Variants in CSMD3 observed in about 807,000 individuals in gnomAD.
CSMD3 encodes CUB and sushi domain-containing protein 3.
CSMD3 carries 177 observed loss-of-function variants against 435.2 expected under a neutral mutation model. That is an observed-to-expected ratio of 0.41 (90% CI 0.36 to 0.46). The LOEUF (loss-of-function observed/expected upper bound fraction) is 0.46. CSMD3 is among the 20% of genes least tolerant of loss of function. CSMD3 has a pLI of 0.34. For missense variants in CSMD3, 4,265 were observed against 4,504.6 expected (o/e 0.95, Z 1.52); for synonymous variants, 1,656 against 1,520.5 (o/e 1.09, Z -2.07).
intron 32 of CSMD3, among the ~76,000 whole-genome samples, chr8:112,411,443 T>C (rs1485036355): frequency 6.6e-6 from 1 of 151,850 alleles, no homozygotes; most frequent in Non-Finnish European, 1.5e-5. Flanking sequence ...AGCAATCAAC[T>C]CTGCATTAAT....
intron 1 of CSMD3, among the ~76,000 whole-genome samples, chr8:113,413,091 T>C (rs1017974319): frequency 1.3e-4 from 20 of 152,168 alleles, no homozygotes; most frequent in Non-Finnish European, 2.2e-4. Flanking sequence ...TAATTACAAA[T>C]AGATCTTTGG....
At chr8:113,233,701 G>T (rs528238617) in intron 3 of CSMD3, among the ~76,000 whole-genome samples, 14 of 151,776 alleles carry the variant, frequency 9.2e-5, no homozygotes, top group African/African-American at 3.4e-4. Flanking sequence ...ATTAAGAAAA[G>T]TTGAGAAGGA....
intron 27 of CSMD3, chr8:112,538,907 A>C (rs1353447328): frequency 1.3e-5 from 2 of 152,338 alleles, no homozygotes; most frequent in Non-Finnish European, 2.9e-5. Flanking sequence ...CACAAAGAAG[A>C]TGAAAACCTC....
chr8:113,186,885 ACT>A (rs2092511537), intron 3 of CSMD3, among the ~76,000 whole-genome samples: 1 of 151,702 alleles, frequency 6.6e-6, no homozygotes, highest in Non-Finnish European at 1.5e-5. Context: ...CCGAGTAAAC[ACT>A]CTACAGAGGG....
In CSMD3 at chr8:113,350,261, T is replaced by C. The variant is rs141199010; in HGVS notation, c.179-35468A>G. On this transcript the variant is annotated intron_variant, in intron 1 of 70. Coordinates refer to ENST00000297405, the MANE Select transcript of CSMD3 (RefSeq NM_198123.2). ...AGAATGAATCGTTGTTTTTAAGTCA[T>C]TAATTTGTGGAAATAATTTCTTGCC... Among the ~76,000 whole-genome samples, 3 of 152,204 alleles carry C rather than the reference T, an allele frequency of 2.0e-5. No individual in the cohort carries two copies. In the East Asian group the frequency reaches 5.8e-4, roughly 29 times the overall value.
intron 38 of CSMD3, among the ~76,000 whole-genome samples, chr8:112,358,326 C>T (rs933680949): frequency 1.3e-5 from 2 of 152,102 alleles, no homozygotes; most frequent in Non-Finnish European, 2.9e-5. Context: ...TTGAATTAGA[C>T]TTTGGACTGT....
chr8:112,397,457 A>T (rs1437720072), intron 35 of CSMD3, among the ~76,000 whole-genome samples: 1 of 152,194 alleles, frequency 6.6e-6, no homozygotes. Context: ...CTGGATATGC[A>T]CTTTTAAACT....
At chr8:112,421,091 A>G (rs1026149123) in intron 32 of CSMD3, among the ~76,000 whole-genome samples, 12 of 152,136 alleles carry the variant, frequency 7.9e-5, no homozygotes, top group African/African-American at 2.9e-4. Context: ...ATTTTAAAAA[A>G]GGTTCTTAAC....
At chr8:113,363,254 A>G (rs2094288980) in intron 1 of CSMD3, among the ~76,000 whole-genome samples, 1 of 149,792 alleles carries the variant, frequency 6.7e-6, no homozygotes, top group African/African-American at 2.4e-5. Context: ...AAACATCAAA[A>G]GCTTCTCTTA....
chr8:112,320,619 C>T (rs1822903439), intron 45 of CSMD3, among the ~76,000 whole-genome samples: 1 of 151,450 alleles, frequency 6.6e-6, no homozygotes, highest in South Asian at 2.1e-4. Flanking sequence ...AGGTATATCT[C>T]CGAATGCTAT....
intron 3 of CSMD3, among the ~76,000 whole-genome samples, chr8:113,211,851 G>A (rs1291834688): frequency 6.6e-6 from 1 of 152,140 alleles, no homozygotes; most frequent in Non-Finnish European, 1.5e-5. Context: ...AAGTAATTGA[G>A]AAGGTCTAAT....
At chr8:112,991,679 A>G (rs2085461422) in intron 6 of CSMD3, among the ~76,000 whole-genome samples, 2 of 151,862 alleles carry the variant, frequency 1.3e-5, no homozygotes, top group South Asian at 4.1e-4. Context: ...AATAAAATAA[A>G]CTGAAGTGTG....
At position 112,406,648 on chromosome 8, in the gene CSMD3, T is replaced by A. The variant is rs1412617187; in HGVS notation, c.5685A>T (p.Ala1895=). Residue 1895 remains alanine (A), a synonymous_variant, in exon 35 of 71, where the codon GCA becomes GCT. Transcript: ENST00000297405. ...AATCAAAAAGAACCGATGAACCGAC[T>A]GCAAATTCATTGCCAATTCTTCTTC... is the stretch of plus-strand genomic sequence containing the variant. ...RFGRRIGNEF[A]VGSSVLFDCN... is the part of the protein sequence containing the mutation. 3 of 1,612,648 alleles carry A rather than the reference T, an allele frequency of 1.9e-6. No individual in the cohort carries two copies. In the South Asian group the frequency reaches 3.3e-5, roughly 18 times the overall value.
chr8:112,797,833 A>G (rs2078864152), intron 13 of CSMD3, among the ~76,000 whole-genome samples: 1 of 151,998 alleles, frequency 6.6e-6, no homozygotes, highest in East Asian at 1.9e-4. Context: ...TGATTTTCAC[A>G]GTACAAAAAA....
intron 47 of CSMD3, 59 bp downstream of exon 47, chr8:112,318,778 T>C (rs1271504321): frequency 1.8e-6 from 2 of 1,136,916 alleles, no homozygotes; most frequent in Non-Finnish European, 2.6e-6. Context: ...CATACCTATA[T>C]TAAGTTAAAC....
chr8:112,865,625 C>A (rs535599800), intron 10 of CSMD3, among the ~76,000 whole-genome samples: 1 of 151,652 alleles, frequency 6.6e-6, no homozygotes, highest in African/African-American at 2.4e-5. Context: ...GTATTCCATA[C>A]AAGGCCTATT....
intron 31 of CSMD3, among the ~76,000 whole-genome samples, chr8:112,474,305 G>C (rs142760088): frequency 7.2e-4 from 109 of 152,280 alleles, no homozygotes; most frequent in African/African-American, 2.6e-3. Context: ...AGAGTGGGGA[G>C]GGGGCAAGTG....
Position 112,265,786 on chromosome 8 carries a change from C to T in CSMD3, c.9509-196G>A, listed in dbSNP as rs140870323. On this transcript the variant is annotated intron_variant, in intron 59 of 70. Coordinates refer to ENST00000297405, the MANE Select transcript of CSMD3 (RefSeq NM_198123.2). ...TGATCAGGTATGCTTATTACAGATT[C>T]TACACATATGGCTCAGAAACTGTCA... 2.6e-5 allele frequency among the ~76,000 whole-genome samples: 4 copies of T among 152,210 alleles called. No individual in the cohort carries two copies. The East Asian group carries it at 7.7e-4, about 29-fold the overall frequency.
chr8:112,943,166 T>A (rs897251135), intron 9 of CSMD3, among the ~76,000 whole-genome samples: 4 of 151,798 alleles, frequency 2.6e-5, no homozygotes, highest in African/African-American at 9.7e-5. Flanking sequence ...GCCTATTGTG[T>A]AATTGAGTTG....
Sources: allele counts gnomAD v4.1 joint callset (sites outside exome capture counted in the v4.1 genomes callset), GRCh38; gene constraint gnomAD v4.1.1; transcripts MANE v1.5; gene names NCBI Gene and HGNC (gene_info 2026-07-23, HGNC 2026-07-21).